HAS2: variants seen among roughly 807,000 people sequenced by gnomAD.
HAS2 encodes hyaluronan synthase 2.
A neutral mutation model predicts 51.6 loss-of-function variants in HAS2; 16 were observed. The observed-to-expected ratio is 0.31, with a 90% CI of 0.21 to 0.47. The LOEUF is 0.47. Among genes scored for constraint, HAS2 ranks in the 20% least tolerant of loss-of-function variants. HAS2 has a pLI of 1.00. For synonymous variants in HAS2, 228 were observed against 235.5 expected (o/e 0.97, Z 0.29); for missense variants, 361 against 662.6 (o/e 0.54, Z 5.00).
Position 121,613,922 on chromosome 8 carries a change from A to G in HAS2, c.*187T>C, listed in dbSNP as rs1163816176. On this transcript the variant is annotated 3_prime_UTR_variant, in exon 4 of 4. Coordinates refer to ENST00000303924, the MANE Select transcript of HAS2 (RefSeq NM_005328.3). ...TCATAGAAATAACAGGTTAAATCTG[A>G]GTTTCTTCTTGTTGATGTATTGTTT... 1.3e-6 allele frequency: 1 copy of G among 777,098 alleles called. No individual in the cohort carries two copies. The highest frequency in any genetic ancestry group is 1.7e-5 in the African/African-American group (1 of 57,236). The allele number at this position is 777,098 out of a possible 1,614,324, so 48.1% of individuals were successfully genotyped here.
chr8:121,623,968 T>G lies in HAS2; in HGVS notation c.627+4746A>C, dbSNP rs1357648499. Among the ~76,000 whole-genome samples, 7 of 152,322 alleles carry G rather than the reference T, an allele frequency of 4.6e-5. No homozygotes were observed. The East Asian group carries it at 1.4e-3, about 29-fold the overall frequency. ...TATTACATAAAGTTGCCAGGAACAC[T>G]GAACTGGAAAATACTGAAAATGTGC... On this transcript the variant is annotated intron_variant, in intron 2 of 3. Transcript: ENST00000303924.
intron 1 of HAS2, among the ~76,000 whole-genome samples, chr8:121,634,840 G>A (rs1346286797): frequency 4.6e-5 from 7 of 151,756 alleles, no homozygotes; most frequent in African/African-American, 1.7e-4. Context: ...AGGTCTAGAA[G>A]GCCTTTGGAA....
intron 2 of HAS2, among the ~76,000 whole-genome samples, chr8:121,622,945 T>C (rs2130439047): frequency 6.6e-6 from 1 of 151,834 alleles, no homozygotes; most frequent in Non-Finnish European, 1.5e-5. Flanking sequence ...AGTAAAACCA[T>C]TCCAGAAAAA....
intron 1 of HAS2, among the ~76,000 whole-genome samples, chr8:121,636,516 C>T (rs1181153783): frequency 6.6e-6 from 1 of 152,088 alleles, no homozygotes; most frequent in African/African-American, 2.4e-5. Flanking sequence ...GTATACAAGC[C>T]TTTTTTACAG....
intron 2 of HAS2, among the ~76,000 whole-genome samples, chr8:121,620,545 C>A (rs1361313149): frequency 1.3e-5 from 2 of 152,142 alleles, no homozygotes; most frequent in African/African-American, 4.8e-5. Flanking sequence ...CACATGATCA[C>A]TAGTTATAAG....
intron 2 of HAS2, among the ~76,000 whole-genome samples, chr8:121,619,907 C>T (rs1812752132): frequency 6.6e-6 from 1 of 152,180 alleles, no homozygotes; most frequent in South Asian, 2.1e-4. Flanking sequence ...GTTCAAATAA[C>T]TCCGTCTGCT....
Position 121,614,522 on chromosome 8 carries a change from C to T in HAS2, c.1246G>A (p.Val416Ile), listed in dbSNP as rs1812676889. ...ILLFLLTVQL[V>I]GLIKSSFASC... ...GCAAAAGATGATTTTATGAGACCTA[C>T]TAGCTGGACAGTTAACAAGAAGAGG... is the stretch of plus-strand genomic sequence containing the variant. Residue 416 changes from valine (V) to isoleucine (I), a missense_variant, in exon 4 of 4, where the codon GTA (valine) becomes ATA (isoleucine). By Grantham distance (29) the Val-to-Ile change is conservative (BLOSUM62 3). This residue lies in a region of HAS2 where 106 missense variants were observed against 241.0 expected (regional missense o/e 0.44). Coordinates refer to ENST00000303924, the MANE Select transcript of HAS2 (RefSeq NM_005328.3). The surrounding 1 kb of genome is among the most constrained non-coding windows in gnomAD (Gnocchi z 7.2). The T allele has an allele frequency of 6.2e-7, 1 of 1,614,128 alleles. No homozygotes were observed. The highest frequency in any genetic ancestry group is 8.5e-7 in the Non-Finnish European group (1 of 1,179,994).
intron 2 of HAS2, among the ~76,000 whole-genome samples, chr8:121,627,988 C>G (rs1259739575): frequency 2.6e-5 from 4 of 152,014 alleles, no homozygotes; most frequent in Admixed American, 2.6e-4. Context: ...CAATGAGAAC[C>G]AGGAGAGGAG....
chr8:121,614,150 G>T lies in HAS2; in HGVS notation c.1618C>A (p.Arg540=). ...ATGTCATATTGTTGTCCCTTCTTCC[G>T]CCTGCCACACTTATTGATGAGAACT... ...YVVLINKCGR[R]KKGQQYDMVL... The change falls in exon 4 of 4, where the codon CGG becomes AGG. Residue 540 remains arginine (R), a synonymous_variant. Transcript: ENST00000303924. This position sits in a 1 kb window ranked among gnomAD's most constrained non-coding sequence, Gnocchi z 7.2. 1 of 1,612,066 alleles carries T rather than the reference G, an allele frequency of 6.2e-7. No homozygotes were observed. Among genetic ancestry groups the T allele is most frequent in the Non-Finnish European group, 8.5e-7 (1 of 1,179,722 alleles).
chr8:121,614,041 A>G lies in HAS2; in HGVS notation c.*68T>C. ...TCCTTTGGTGGCATTATCTGATGCCACAATACTGTACAGCCCCTAGAGGAA... is the reference window on the plus strand; with the variant it reads ...TCCTTTGGTGGCATTATCTGATGCCGCAATACTGTACAGCCCCTAGAGGAA... On this transcript the variant is annotated 3_prime_UTR_variant, in exon 4 of 4. Transcript: ENST00000303924. The surrounding 1 kb of genome is among the most constrained non-coding windows in gnomAD (Gnocchi z 7.2). The G allele has an allele frequency of 7.5e-6, 12 of 1,610,590 alleles. No homozygotes were observed. Among genetic ancestry groups the G allele is most frequent in the Non-Finnish European group, 1.0e-5 (12 of 1,179,622 alleles).
chr8:121,615,262 A>AT (rs1200614098), intron 3 of HAS2, among the ~76,000 whole-genome samples: 1 of 151,692 alleles, frequency 6.6e-6, no homozygotes, highest in Non-Finnish European at 1.5e-5. Flanking sequence ...GATGGTGAAT[A>AT]TTTTTTTCTA....
chr8:121,629,211 A>C lies in HAS2; in HGVS notation c.130T>G (p.Phe44Val), dbSNP rs1812897070. 6.2e-7 allele frequency: 1 copy of C among 1,614,036 alleles called. No individual in the cohort carries two copies. The highest frequency in any genetic ancestry group is 1.7e-5 in the Admixed American group (1 of 59,992). ...YQFIQTDNYY[F>V]SFGLYGAFLA... ...AAGGCACCATACAGTCCAAAAGAGAAATAGTAATTATCCGTTTGGATAAAC... is the reference window on the plus strand; with the variant it reads ...AAGGCACCATACAGTCCAAAAGAGACATAGTAATTATCCGTTTGGATAAAC... Residue 44 changes from phenylalanine to valine, a missense_variant, in exon 2 of 4, where the codon TTC (phenylalanine) becomes GTC (valine). Phe to Val is a conservative substitution (Grantham distance 50, BLOSUM62 -1). Around this residue, in one of 5 missense-constraint regions of HAS2, gnomAD observed 145 missense variants for 217.6 expected, o/e 0.67. Transcript: ENST00000303924.
rs752416628 is a variant in HAS2 at position 121,614,943 on chromosome 8, C to A, written c.825G>T (p.Gly275=). 3.1e-6 allele frequency: 5 copies of A among 1,613,888 alleles called. No homozygotes were observed. The highest frequency in any genetic ancestry group is 1.3e-5 in the African/African-American group (1 of 75,042). Reference sequence around the variant, plus strand: ...GAGGTCCACTAATGCACTGAACACACCCAAAATAAGACTGACAGGCCCTTT... The same window carrying A: ...GAGGTCCACTAATGCACTGAACACAACCAAAATAAGACTGACAGGCCCTTT... ...NIERACQSYF[G]CVQCISGPLG... Residue 275 remains glycine, a synonymous_variant, in exon 4 of 4, where the codon GGG becomes GGT. Transcript: ENST00000303924. The surrounding 1 kb of genome is among the most constrained non-coding windows in gnomAD (Gnocchi z 7.2).
At chr8:121,638,067 T>C (rs1400042581) in intron 1 of HAS2, among the ~76,000 whole-genome samples, 5 of 152,204 alleles carry the variant, frequency 3.3e-5, no homozygotes, top group African/African-American at 4.8e-5. Context: ...ACAAAGGACT[T>C]TCCCCAGAGT....
Position 121,614,264 on chromosome 8 carries a change from T to A in HAS2, c.1504A>T (p.Arg502Trp). 1 of 1,614,078 alleles carries A rather than the reference T, an allele frequency of 6.2e-7. No individual in the cohort carries two copies. Among genetic ancestry groups the A allele is most frequent in the South Asian group, 1.1e-5 (1 of 91,074 alleles). The change falls in exon 4 of 4, where the codon AGG becomes TGG. Residue 502 changes from arginine (R) to tryptophan (W), a missense_variant. Arg to Trp is a moderately radical substitution (Grantham distance 101). Around this residue, in one of 5 missense-constraint regions of HAS2, gnomAD observed 61 missense variants for 73.1 expected, o/e 0.84. Transcript: ENST00000303924. The surrounding 1 kb of genome is among the most constrained non-coding windows in gnomAD (Gnocchi z 7.2). The stretch of plus-strand genomic sequence containing the variant: ...GTCTGTTTGGATTCTGAAAATGGCC[T>A]TTTAGACTCCTTATAAATGGTGAAA... ...VIFTIYKESK[R>W]PFSESKQTVL...
intron 1 of HAS2, among the ~76,000 whole-genome samples, chr8:121,636,016 T>C (rs1563624585): frequency 1.3e-5 from 2 of 152,068 alleles, no homozygotes; most frequent in Admixed American, 6.5e-5. Context: ...GAACAAAAGG[T>C]TAAAAAGTAG....
rs779853700 is a variant in HAS2, at chr8:121,614,415, C to T, written c.1353G>A (p.Lys451=). 1.2e-6 allele frequency: 2 copies of T among 1,614,148 alleles called. No individual in the cohort carries two copies. The highest frequency in any genetic ancestry group is 1.7e-5 in the Admixed American group (1 of 60,006). ...VLYMSSLLPA[K]MFAIATINKA... is the part of the protein sequence containing the mutation. The stretch of plus-strand genomic sequence containing the variant: ...TGTTTATTGTTGCAATTGCAAACAT[C>T]TTGGCGGGAAGTAAACTCGACATGT... Residue 451 remains lysine, a synonymous_variant, in exon 4 of 4, where the codon AAG becomes AAA. Transcript: ENST00000303924. The surrounding 1 kb of genome is among the most constrained non-coding windows in gnomAD (Gnocchi z 7.2).
At chr8:121,624,701 C>T (rs1263198207) in intron 2 of HAS2, among the ~76,000 whole-genome samples, 1 of 152,148 alleles carries the variant, frequency 6.6e-6, no homozygotes, top group Non-Finnish European at 1.5e-5. Context: ...ATGCAGACAT[C>T]AGGGGATACT....
rs997693529 is a variant in HAS2, at chr8:121,629,469, T to C, written c.1-129A>G. Reference sequence around the variant, plus strand: ...TTTAACACTCAATTTCTCGCCCAACTCATTGTGTGACTTTCTGCACTTCAG... The same window carrying C: ...TTTAACACTCAATTTCTCGCCCAACCCATTGTGTGACTTTCTGCACTTCAG... On this transcript the variant is annotated intron_variant, in intron 1 of 3. Transcript: ENST00000303924. 13 of 737,274 alleles carry C rather than the reference T, an allele frequency of 1.8e-5. No homozygotes were observed. The African/African-American group carries it at 2.1e-4, about 12-fold the overall frequency. 45.7% of individuals were successfully genotyped at this position (737,274 alleles called of 1,614,324 possible).
Sources: allele counts gnomAD v4.1 joint callset (sites outside exome capture counted in the v4.1 genomes callset), GRCh38; gene constraint gnomAD v4.1.1; regional missense constraint gnomAD v4.1.1; non-coding constraint Gnocchi (gnomAD v3.1); transcripts MANE v1.5; gene names NCBI Gene and HGNC (gene_info 2026-07-23, HGNC 2026-07-21).